The following EFHC2 variants were observed in gnomAD, a reference collection of about 807,000 sequenced individuals.
EFHC2 encodes the protein EF-hand domain-containing family member C2.
Under a neutral mutation model 52.7 loss-of-function variants are expected in EFHC2, and 18 were observed. That is an observed-to-expected ratio of 0.34 (90% CI 0.24 to 0.51). The LOEUF (loss-of-function observed/expected upper bound fraction) is 0.51, where lower values mean the gene tolerates loss of function less well. Among genes scored for constraint, EFHC2 ranks in the 20% least tolerant of loss-of-function variants. The probability of loss-of-function intolerance (pLI) is 0.97; values close to 1 mark genes in which losing one functional copy is unlikely to be tolerated. For missense variants in EFHC2, 513 were observed against 562.5 expected (o/e 0.91, Z 0.89); for synonymous variants, 203 against 204.1 (o/e 0.99, Z 0.04).
At chrX:44,262,033 T>G (rs1001717047) in intron 3 of EFHC2, among the ~76,000 whole-genome samples, 4 of 111,239 alleles carry the variant, frequency 3.6e-5, no homozygotes, top group African/African-American at 1.3e-4. Flanking sequence ...CTTCCAACCC[T>G]GATGCCCATT....
chrX:44,163,486 C>T (rs2036672664), intron 14 of EFHC2, among the ~76,000 whole-genome samples: 1 of 111,745 alleles, frequency 8.9e-6, no homozygotes, highest in African/African-American at 3.3e-5. Context: ...AAATGTGCAT[C>T]CCCATTCTCT....
At chrX:44,314,303 G>A (rs907467038) in intron 1 of EFHC2, among the ~76,000 whole-genome samples, 6 of 112,301 alleles carry the variant, frequency 5.3e-5, no homozygotes, top group African/African-American at 1.9e-4. Flanking sequence ...CACTGCCCAG[G>A]ACTGTATATA....
chrX:44,214,263 G>A (rs73628318), intron 11 of EFHC2, among the ~76,000 whole-genome samples: 7,521 of 111,543 alleles, frequency 0.067, 625 homozygotes, highest in African/African-American at 0.23. Context: ...GATAAATGCC[G>A]AAAACAAAAC....
intron 2 of EFHC2, among the ~76,000 whole-genome samples, chrX:44,280,715 A>G (rs2037695764): frequency 8.9e-6 from 1 of 111,981 alleles, no homozygotes; most frequent in South Asian, 3.7e-4. Context: ...CAATGGGGGG[A>G]AAGTATGTTC....
At chrX:44,242,032 C>T (rs2037362948) in intron 8 of EFHC2, 89 bp downstream of exon 8, 5 of 913,793 alleles carry the variant, frequency 5.5e-6, no homozygotes, top group South Asian at 3.2e-5. Context: ...AGATGAGCTG[C>T]GTGACATCTG....
chrX:44,223,928 T>C (rs2037212719), intron 11 of EFHC2, among the ~76,000 whole-genome samples: 1 of 111,837 alleles, frequency 8.9e-6, no homozygotes, highest in Non-Finnish European at 1.9e-5. Context: ...CAAATAAAAA[T>C]AGGGCAAAAC....
At chrX:44,276,347 T>C (rs945186974) in intron 2 of EFHC2, among the ~76,000 whole-genome samples, 5 of 111,827 alleles carry the variant, frequency 4.5e-5, no homozygotes, top group African/African-American at 1.6e-4. Flanking sequence ...GAGGATTGCT[T>C]TAGCCCAGGA....
intron 4 of EFHC2, among the ~76,000 whole-genome samples, chrX:44,254,757 T>C (rs143051181): frequency 0.055 from 6,151 of 111,297 alleles, 337 homozygotes; most frequent in African/African-American, 0.17. Flanking sequence ...CATTCAAATT[T>C]AGGAAATACA....
At chrX:44,169,311 T>G (rs2036724531) in intron 13 of EFHC2, among the ~76,000 whole-genome samples, 1 of 111,537 alleles carries the variant, frequency 9.0e-6, no homozygotes, top group Admixed American at 9.5e-5. Context: ...GGTCTTGCTC[T>G]GTTGCCCAGG....
intron 11 of EFHC2, among the ~76,000 whole-genome samples, chrX:44,201,794 T>C (rs2037008087): frequency 8.9e-6 from 1 of 112,223 alleles, no homozygotes; most frequent in African/African-American, 3.2e-5. Context: ...ACTCATCTTA[T>C]GAAGCAATTA....
chrX:44,179,359 T>C (rs957156897), intron 11 of EFHC2, among the ~76,000 whole-genome samples: 1 of 112,177 alleles, frequency 8.9e-6, no homozygotes, highest in African/African-American at 3.2e-5. Context: ...TTCCACTGTC[T>C]AGAAAATTTA....
At chrX:44,273,713 T>C (rs1010849704) in intron 2 of EFHC2, among the ~76,000 whole-genome samples, 2 of 111,723 alleles carry the variant, frequency 1.8e-5, no homozygotes, top group South Asian at 3.7e-4. Flanking sequence ...GACAAGGTAA[T>C]TGAGGACAAC....
At chrX:44,209,019 C>CTGTGTGTGTGTG (rs753101565) in intron 11 of EFHC2, among the ~76,000 whole-genome samples, 5 of 69,992 alleles carry the variant, frequency 7.1e-5, no homozygotes, top group Admixed American at 1.6e-4. Context: ...GATTGGCAAT[C>CTGTGTGTGTGTG]TGTGTGTGTG....
At chrX:44,309,715 A>C (rs2037931898) in intron 2 of EFHC2, 1 of 999,529 alleles carries the variant, frequency 1.0e-6, no homozygotes, top group Non-Finnish European at 1.4e-6. Context: ...GGAAAACGTG[A>C]GGCCAGGCAT....
At chrX:44,336,288 G>A (rs1039046576) in intron 1 of EFHC2, among the ~76,000 whole-genome samples, 7 of 109,313 alleles carry the variant, frequency 6.4e-5, no homozygotes, top group African/African-American at 2.3e-4. Context: ...TCGGGAGGCT[G>A]AGGCAGAAGA....
At chrX:44,245,495 A>G (rs1009099907) in intron 7 of EFHC2, among the ~76,000 whole-genome samples, 6 of 112,260 alleles carry the variant, frequency 5.3e-5, no homozygotes, top group Admixed American at 1.9e-4. Flanking sequence ...AAAGATCAAC[A>G]GACCTCCATC....
chrX:44,152,292 G>A (rs952879529), intron 14 of EFHC2, among the ~76,000 whole-genome samples: 6 of 111,378 alleles, frequency 5.4e-5, no homozygotes, highest in Admixed American at 4.8e-4. Context: ...AGACACAGAA[G>A]GATTAAATAG....
chrX:44,187,694 G>A (rs1037482206), intron 11 of EFHC2, among the ~76,000 whole-genome samples: 1 of 111,244 alleles, frequency 9.0e-6, no homozygotes, highest in Non-Finnish European at 1.9e-5. Context: ...AGGCTGAGAG[G>A]CAGGAGAATC....
chrX:44,303,121 C>T (rs2037879968), intron 2 of EFHC2, among the ~76,000 whole-genome samples: 1 of 111,222 alleles, frequency 9.0e-6, no homozygotes, highest in African/African-American at 3.3e-5. Context: ...CCTATACTAT[C>T]AGCTGGTCTT....
Sources: allele counts gnomAD v4.1 joint callset (sites outside exome capture counted in the v4.1 genomes callset), GRCh38; gene constraint gnomAD v4.1.1; transcripts MANE v1.5; gene names NCBI Gene and HGNC (gene_info 2026-07-23, HGNC 2026-07-21).